The following FGD4 variants were observed in gnomAD, a reference collection of about 807,000 sequenced individuals.
FGD4 encodes the protein FYVE, RhoGEF and PH domain containing 4, also known as FYVE, RhoGEF and PH domain-containing protein 4.
A neutral mutation model predicts 102.0 loss-of-function variants in FGD4; 42 were observed. The ratio of observed to expected loss-of-function variants is 0.41; its 90% CI spans 0.32 to 0.53. The LOEUF (loss-of-function observed/expected upper bound fraction) is 0.53. Ranked by LOEUF, FGD4 falls within the 20% of genes least tolerant of loss-of-function variation. The pLI is 0.21. For missense variants in FGD4, 902 were observed against 1,078.2 expected (o/e 0.84, Z 2.29); for synonymous variants, 380 against 375.7 (o/e 1.01, Z -0.13).
At chr12:32,425,422 A>G (rs1394807822) in intron 1 of FGD4, among the ~76,000 whole-genome samples, 1 of 152,112 alleles carries the variant, frequency 6.6e-6, no homozygotes, top group Non-Finnish European at 1.5e-5. Context: ...GTTCTGTTCT[A>G]TTAGTCTATA....
intron 1 of FGD4, among the ~76,000 whole-genome samples, chr12:32,469,045 C>T (rs1394474796): frequency 1.3e-5 from 2 of 152,094 alleles, no homozygotes; most frequent in East Asian, 1.9e-4. Context: ...AGGCTGGTCT[C>T]GAACTCCTGA....
intron 8 of FGD4, among the ~76,000 whole-genome samples, chr12:32,610,264 T>C (rs1050505738): frequency 8.5e-5 from 13 of 152,238 alleles, no homozygotes; most frequent in African/African-American, 2.9e-4. Flanking sequence ...AAATACTTAA[T>C]GGTTTAAGGC....
At chr12:32,608,475 G>A (rs1471631264) in intron 8 of FGD4, among the ~76,000 whole-genome samples, 1 of 152,224 alleles carries the variant, frequency 6.6e-6, no homozygotes, top group African/African-American at 2.4e-5. Context: ...AAGCTAAGGT[G>A]ACATTCACTA....
chr12:32,566,369 CACAA>C (rs1390418209), intron 2 of FGD4, among the ~76,000 whole-genome samples: 2 of 152,152 alleles, frequency 1.3e-5, no homozygotes, highest in Non-Finnish European at 2.9e-5. Context: ...AATTTTGGGA[CACAA>C]ACAAACACTC....
At chr12:32,545,002 T>G (rs907308758) in intron 1 of FGD4, among the ~76,000 whole-genome samples, 4 of 152,224 alleles carry the variant, frequency 2.6e-5, no homozygotes, top group African/African-American at 7.2e-5. Context: ...TGCAGTTTTC[T>G]TTCTTAAAGT....
chr12:32,403,341 T>C (rs933789622), intron 1 of FGD4, among the ~76,000 whole-genome samples: 3 of 152,162 alleles, frequency 2.0e-5, no homozygotes, highest in Admixed American at 2.0e-4. Flanking sequence ...ACATAGGCTT[T>C]GGGGTTATAT....
intron 11 of FGD4, among the ~76,000 whole-genome samples, chr12:32,621,371 G>A (rs1949836488): frequency 6.6e-6 from 1 of 152,152 alleles, no homozygotes; most frequent in African/African-American, 2.4e-5. Flanking sequence ...GCTTCAGGAG[G>A]TCACAGAGCA....
chr12:32,556,477 A>G (rs1209284908), intron 1 of FGD4, among the ~76,000 whole-genome samples: 1 of 152,040 alleles, frequency 6.6e-6, no homozygotes, highest in East Asian at 1.9e-4. Context: ...TTTAAAGTGG[A>G]ATTATACAGT....
At chr12:32,555,596 G>A (rs1474589995) in intron 1 of FGD4, among the ~76,000 whole-genome samples, 1 of 142,978 alleles carries the variant, frequency 7.0e-6, no homozygotes, top group Non-Finnish European at 1.5e-5. Context: ...TTTCGAGATG[G>A]AGTCTCGCTC....
intron 1 of FGD4, among the ~76,000 whole-genome samples, chr12:32,465,492 A>G (rs1435499176): frequency 1.3e-5 from 2 of 151,648 alleles, no homozygotes; most frequent in Non-Finnish European, 2.9e-5. Context: ...ACATGGTAAA[A>G]CCCCGTCTCT....
chr12:32,562,348 T>C (rs1944680585), intron 1 of FGD4, among the ~76,000 whole-genome samples: 1 of 152,212 alleles, frequency 6.6e-6, no homozygotes. Context: ...GTGGGAAAAG[T>C]GTTTCTATGC....
intron 1 of FGD4, among the ~76,000 whole-genome samples, chr12:32,525,362 C>T (rs749594085): frequency 3.0e-4 from 46 of 152,196 alleles, no homozygotes; most frequent in Non-Finnish European, 5.9e-4. Flanking sequence ...TCCATAACAA[C>T]ATTTTGGAAT....
chr12:32,406,751 A>G (rs1940949809), intron 1 of FGD4, among the ~76,000 whole-genome samples: 1 of 151,950 alleles, frequency 6.6e-6, no homozygotes, highest in African/African-American at 2.4e-5. Flanking sequence ...CTCTAGCCAC[A>G]CCCTTGACAT....
At chr12:32,638,451 A>C (rs943909542) in intron 15 of FGD4, among the ~76,000 whole-genome samples, 2 of 152,182 alleles carry the variant, frequency 1.3e-5, no homozygotes, top group African/African-American at 2.4e-5. Flanking sequence ...TAAACACTTA[A>C]CTCTTTAAAT....
At chr12:32,614,026 TCCA>T (rs1949305320) in intron 10 of FGD4, among the ~76,000 whole-genome samples, 1 of 152,164 alleles carries the variant, frequency 6.6e-6, no homozygotes, top group Non-Finnish European at 1.5e-5. Flanking sequence ...CAGCAGACCA[TCCA>T]CATCCTTTTG....
chr12:32,625,569 T>G, intron 13 of FGD4, 85 bp from the exon 14 acceptor site: 4 of 1,482,056 alleles, frequency 2.7e-6, no homozygotes, highest in Non-Finnish European at 3.7e-6. Context: ...GTTTGAGCAA[T>G]GTAGTTAAAG....
chr12:32,591,599 A>G (rs1426467856), intron 4 of FGD4, among the ~76,000 whole-genome samples: 1 of 152,250 alleles, frequency 6.6e-6, no homozygotes, highest in Non-Finnish European at 1.5e-5. Flanking sequence ...TGAAGAATGA[A>G]TCGCTGATGC....
intron 7 of FGD4, among the ~76,000 whole-genome samples, chr12:32,607,739 C>A (rs530282787): frequency 3.3e-5 from 5 of 152,166 alleles, no homozygotes; most frequent in Non-Finnish European, 7.4e-5. Context: ...GGTCTCAAAC[C>A]CTGATCTCAG....
intron 8 of FGD4, among the ~76,000 whole-genome samples, chr12:32,610,031 C>G (rs961606701): frequency 6.6e-6 from 1 of 152,206 alleles, no homozygotes; most frequent in Non-Finnish European, 1.5e-5. Flanking sequence ...TTCCCTTTCA[C>G]CCGACCCAGG....
Sources: gnomAD v4.1 joint callset for allele counts (sites outside exome capture counted in the v4.1 genomes callset) on GRCh38, gnomAD v4.1.1 for gene constraint, MANE v1.5 for transcripts, NCBI Gene and HGNC (gene_info 2026-07-23, HGNC 2026-07-21) for gene names.